Variants in DMXL2 observed in about 807,000 individuals in gnomAD.
DMXL2 encodes the protein Dmx like 2, also known as dmX-like protein 2.
DMXL2 carries 103 observed loss-of-function variants against 331.1 expected under a neutral mutation model. That is an observed-to-expected ratio of 0.31 (90% CI 0.27 to 0.37). The LOEUF is 0.37. Among genes scored for constraint, DMXL2 ranks in the 10% least tolerant of loss-of-function variants. DMXL2 has a pLI of 1.00. For synonymous variants in DMXL2, 1,281 were observed against 1,252.1 expected (o/e 1.02, Z -0.49); for missense variants, 3,171 against 3,642.9 (o/e 0.87, Z 3.33).
chr15:51,508,900 T>C (rs56325898), intron 15 of DMXL2, among the ~76,000 whole-genome samples: 2 of 152,182 alleles, frequency 1.3e-5, no homozygotes, highest in Non-Finnish European at 2.9e-5. Flanking sequence ...CAATCCCTAA[T>C]GAAATAACTG....
intron 16 of DMXL2, 27 bp downstream of exon 16, chr15:51,507,107 T>A (rs746852625): frequency 1.8e-5 from 27 of 1,523,544 alleles, no homozygotes; most frequent in Non-Finnish European, 2.2e-5. Context: ...TTATGTATCA[T>A]CTCTGTATAA....
intron 1 of DMXL2, among the ~76,000 whole-genome samples, chr15:51,604,063 G>A (rs886126936): frequency 1.3e-5 from 2 of 151,824 alleles, no homozygotes; most frequent in African/African-American, 4.8e-5. Flanking sequence ...ATACCATAAC[G>A]AAGTGGGGCT....
chr15:51,559,079 G>T (rs1042265322), intron 6 of DMXL2, among the ~76,000 whole-genome samples: 4 of 152,048 alleles, frequency 2.6e-5, no homozygotes, highest in Admixed American at 6.6e-5. Context: ...ATGTAACATA[G>T]GAAAACCCTC....
chr15:51,459,030 CTGA>C, intron 34 of DMXL2: 1 of 477,674 alleles, frequency 2.1e-6, no homozygotes, highest in Non-Finnish European at 3.8e-6. Flanking sequence ...TGGTAAGATA[CTGA>C]TTAATTATAA....
chr15:51,471,135 C>T, intron 29 of DMXL2, 88 bp downstream of exon 29: 4 of 1,247,904 alleles, frequency 3.2e-6, no homozygotes, highest in Non-Finnish European at 4.4e-6. Flanking sequence ...CCAAAAGCTA[C>T]CCCATCATTC....
At chr15:51,519,732 T>A (rs904941115) in intron 13 of DMXL2, among the ~76,000 whole-genome samples, 1 of 141,880 alleles carries the variant, frequency 7.0e-6, no homozygotes, top group African/African-American at 2.6e-5. Context: ...AACCTGCGCC[T>A]CCCGAGTTCA....
At chr15:51,460,519 G>C (rs920887677) in intron 33 of DMXL2, 15 of 247,272 alleles carry the variant, frequency 6.1e-5, no homozygotes, top group African/African-American at 2.6e-4. Context: ...CTTGTTTTGT[G>C]AAATATTTTC....
At chr15:51,495,632 T>G (rs1447788848) in intron 18 of DMXL2, among the ~76,000 whole-genome samples, 1 of 152,188 alleles carries the variant, frequency 6.6e-6, no homozygotes, top group African/African-American at 2.4e-5. Context: ...GGCTAGTTAG[T>G]GTTACATGGT....
chr15:51,510,511 G>A (rs188922663), intron 15 of DMXL2, among the ~76,000 whole-genome samples: 1 of 152,158 alleles, frequency 6.6e-6, no homozygotes, highest in Non-Finnish European at 1.5e-5. Context: ...TCTTCAAGGA[G>A]AACTGCAAAC....
chr15:51,511,079 T>C (rs1008378044), intron 15 of DMXL2, among the ~76,000 whole-genome samples: 4 of 151,938 alleles, frequency 2.6e-5, no homozygotes, highest in African/African-American at 9.7e-5. Flanking sequence ...AGACCTAAAA[T>C]CATAAAAACC....
At chr15:51,461,533 CAG>C (rs1331422256) in intron 33 of DMXL2, among the ~76,000 whole-genome samples, 2 of 152,148 alleles carry the variant, frequency 1.3e-5, no homozygotes, top group African/African-American at 2.4e-5. Context: ...CTGTGAATAA[CAG>C]AGCCCCTAAT....
At chr15:51,595,635 A>G (rs1261970075) in intron 1 of DMXL2, among the ~76,000 whole-genome samples, 1 of 152,246 alleles carries the variant, frequency 6.6e-6, no homozygotes, top group Admixed American at 6.5e-5. Flanking sequence ...CAAAAGAACA[A>G]AGCTGGAGGC....
At chr15:51,455,101 T>G (rs747722621) in intron 40 of DMXL2, 50 bp downstream of exon 40, 1 of 1,413,450 alleles carries the variant, frequency 7.1e-7, no homozygotes, top group Non-Finnish European at 1.0e-6. Context: ...AGACACTTCA[T>G]GAACAAAGTG....
chr15:51,449,175 G>A lies in DMXL2; in HGVS notation c.8986C>T (p.His2996Tyr), dbSNP rs2038914682. 1 of 1,614,004 alleles carries A rather than the reference G, an allele frequency of 6.2e-7. No homozygotes were observed. The highest frequency in any genetic ancestry group is 8.5e-7 in the Non-Finnish European group (1 of 1,179,942). ...GNIKVWRLTG[H>Y]GLIHSFKSEH... ...CTTTTAAATGAATGAATTAGGCCAT[G>A]GCCTGTCAATCTCCAAACCTAGTGC... Residue 2996 changes from histidine (H) to tyrosine (Y), a missense_variant, in exon 44 of 44, where the codon CAT (histidine) becomes TAT (tyrosine). By Grantham distance (83) the His-to-Tyr change is moderately conservative (BLOSUM62 2). Coordinates refer to ENST00000560891, the MANE Select transcript of DMXL2 (RefSeq NM_001378457.1).
intron 1 of DMXL2, among the ~76,000 whole-genome samples, chr15:51,582,499 T>C (rs910436935): frequency 4.6e-5 from 7 of 152,182 alleles, no homozygotes; most frequent in African/African-American, 1.2e-4. Context: ...AGAGATCTTA[T>C]AGAAAGTCTT....
At chr15:51,594,327 A>C (rs192491632) in intron 1 of DMXL2, among the ~76,000 whole-genome samples, 143 of 152,344 alleles carry the variant, frequency 9.4e-4, no homozygotes, top group African/African-American at 3.3e-3. Flanking sequence ...GAAATGGATA[A>C]ATTCCTCGAC....
rs1280169265 is a variant in DMXL2 at position 51,499,570 on chromosome 15, T to C, written c.3654A>G (p.Leu1218=). 1.2e-6 allele frequency: 2 copies of C among 1,613,604 alleles called. No individual in the cohort carries two copies. The highest frequency in any genetic ancestry group is 1.7e-5 in the Admixed American group (1 of 60,000). ...KDGVAVITLP[L]GGSIKQGVKS... Reference sequence around the variant, plus strand: ...TAACTCCTTGCTTGATACTACCACCTAGTGGTAAAGTGATGACAGCTACTC... The same window carrying C: ...TAACTCCTTGCTTGATACTACCACCCAGTGGTAAAGTGATGACAGCTACTC... Residue 1218 remains leucine, a synonymous_variant, in exon 18 of 44, where the codon CTA becomes CTG. Coordinates refer to ENST00000560891, the MANE Select transcript of DMXL2 (RefSeq NM_001378457.1).
Position 51,455,131 on chromosome 15 carries a change from G to A in DMXL2, c.8604+20C>T, listed in dbSNP as rs1199017295. ...AAAGTGTTGTGTATATGCGCCCTGG[G>A]AACATTTAGTGATACTTACCATATA... On this transcript the variant is annotated intron_variant, in intron 40 of 43. Transcript: ENST00000560891. 6.3e-7 allele frequency: 1 copy of A among 1,596,062 alleles called. No individual in the cohort carries two copies. The highest frequency in any genetic ancestry group is 1.1e-5 in the South Asian group (1 of 90,690).
intron 41 of DMXL2, among the ~76,000 whole-genome samples, 162 bp from the exon 42 acceptor site, chr15:51,451,859 G>C (rs1005589082): frequency 1.3e-5 from 2 of 152,150 alleles, no homozygotes; most frequent in Admixed American, 6.5e-5. Flanking sequence ...GATGGGGGTA[G>C]GGTCAAACTA....
Sources: gnomAD v4.1 joint callset for allele counts (sites outside exome capture counted in the v4.1 genomes callset) on GRCh38, gnomAD v4.1.1 for gene constraint, MANE v1.5 for transcripts, NCBI Gene and HGNC (gene_info 2026-07-23, HGNC 2026-07-21) for gene names.